The following PRPF39 variants were observed in gnomAD, a reference collection of about 807,000 sequenced individuals.
PRPF39 encodes pre-mRNA processing factor 39.
Under a neutral mutation model 82.1 loss-of-function variants are expected in PRPF39, and 27 were observed. The observed-to-expected ratio is 0.33, with a 90% CI of 0.24 to 0.45. The LOEUF is 0.45. Ranked by LOEUF, PRPF39 falls within the 20% of genes least tolerant of loss-of-function variation. The pLI, the probability that PRPF39 is intolerant of heterozygous loss-of-function variation, is 1.00. For missense variants in PRPF39, 581 were observed against 796.9 expected, an observed-to-expected ratio of 0.73 and a Z score of 3.26; for synonymous variants, 261 against 256.4, an observed-to-expected ratio of 1.02 and a Z score of -0.17.
At chr14:45,109,571 G>A in intron 7 of PRPF39, 45 bp from the exon 8 acceptor site, 1 of 1,514,392 alleles carries the variant, frequency 6.6e-7, no homozygotes, top group Non-Finnish European at 8.9e-7. Flanking sequence ...GCATATTTTG[G>A]TGATATTGGT....
rs779123762 is a variant in PRPF39 at position 45,114,234 on chromosome 14, T to C, written c.1809T>C (p.Ser603=). The C allele has an allele frequency of 6.2e-7, 1 of 1,603,088 alleles. No individual in the cohort carries two copies. Among genetic ancestry groups the C allele is most frequent in the Non-Finnish European group, 8.5e-7 (1 of 1,172,568 alleles). The change falls in exon 12 of 14, where the codon TCT becomes TCC. Residue 603 remains serine, a synonymous_variant. Coordinates refer to ENST00000355765, the MANE Select transcript of PRPF39 (RefSeq NM_017922.4). ...AAACACTCCTGAAAGAACAGGATTC[T>C]TTAAAAAGGAAAGCAGAAAATGGGT... is the stretch of plus-strand genomic sequence containing the variant. ...EHQTLLKEQD[S]LKRKAENGSE...
At chr14:45,099,008 T>A (rs1884288962) in intron 4 of PRPF39, among the ~76,000 whole-genome samples, 1 of 152,238 alleles carries the variant, frequency 6.6e-6, no homozygotes, top group Non-Finnish European at 1.5e-5. Flanking sequence ...TATTCCTTTA[T>A]AGCTTCTGCT....
At chr14:45,087,740 ATTTTTT>A (rs35926249) in intron 1 of PRPF39, among the ~76,000 whole-genome samples, 2 of 123,434 alleles carry the variant, frequency 1.6e-5, no homozygotes, top group Non-Finnish European at 1.7e-5. Context: ...TGCCCGGCTA[ATTTTTT>A]TTTTTTTTTT....
chr14:45,093,504 A>G (rs1379825234), intron 1 of PRPF39, among the ~76,000 whole-genome samples: 1 of 151,360 alleles, frequency 6.6e-6, no homozygotes, highest in African/African-American at 2.4e-5. Flanking sequence ...GATTACGGGC[A>G]TGAGCCACCG....
Position 45,116,068 on chromosome 14 carries a change from A to G in PRPF39, c.*1155A>G, listed in dbSNP as rs919007066. ...AGCTGGGACCAAGTAAACAAATTTTATTAACTCCTTGAATTTTCCAGTTGA... is the reference window on the plus strand; with the variant it reads ...AGCTGGGACCAAGTAAACAAATTTTGTTAACTCCTTGAATTTTCCAGTTGA... On this transcript the variant is annotated 3_prime_UTR_variant, in exon 14 of 14. Coordinates refer to ENST00000355765, the MANE Select transcript of PRPF39 (RefSeq NM_017922.4). 1 of 641,494 alleles carries G rather than the reference A, an allele frequency of 1.6e-6. No homozygotes were observed. The highest frequency in any genetic ancestry group is 2.8e-6 in the Non-Finnish European group (1 of 361,254). 39.7% of individuals were successfully genotyped at this position (641,494 alleles called of 1,614,324 possible).
At chr14:45,101,723 G>C (rs903587480) in intron 4 of PRPF39, among the ~76,000 whole-genome samples, 3 of 151,968 alleles carry the variant, frequency 2.0e-5, no homozygotes, top group African/African-American at 7.3e-5. Flanking sequence ...ACAGGTGTGA[G>C]CCATCGTGCC....
chr14:45,116,255 G>T lies in PRPF39; in HGVS notation c.*1342G>T, dbSNP rs765908799. The T allele has an allele frequency of 6.2e-7, 1 of 1,611,262 alleles. No homozygotes were observed. Among genetic ancestry groups the T allele is most frequent in the Non-Finnish European group, 8.5e-7 (1 of 1,177,696 alleles). On this transcript the variant is annotated 3_prime_UTR_variant, in exon 14 of 14. Coordinates refer to ENST00000355765, the MANE Select transcript of PRPF39 (RefSeq NM_017922.4). ...TGAGTTTTGCATTTGGTGGAATTCTGTTGAAGAAGTCAAGGTACATTTGAT... is the reference window on the plus strand; with the variant it reads ...TGAGTTTTGCATTTGGTGGAATTCTTTTGAAGAAGTCAAGGTACATTTGAT...
Position 45,112,446 on chromosome 14 carries a change from T to G in PRPF39, c.1701T>G (p.Ile567Met). The part of the protein sequence containing the change: ...VHGSLPIKMR[I>M]TFSQRKVEFL... The stretch of plus-strand genomic sequence containing the variant: ...GTTCATTACCTATTAAAATGAGAAT[T>G]ACATTTTCTCAGAGAAAAGTGGAAT... Residue 567 changes from isoleucine (I) to methionine (M), a missense_variant, in exon 11 of 14, where the codon ATT (isoleucine) becomes ATG (methionine). By Grantham distance (10) the Ile-to-Met change is conservative. Transcript: ENST00000355765. 6.5e-7 allele frequency: 1 copy of G among 1,545,518 alleles called. No homozygotes were observed. The highest frequency in any genetic ancestry group is 8.7e-7 in the Non-Finnish European group (1 of 1,154,748).
At position 45,102,758 on chromosome 14, in the gene PRPF39, G is replaced by C. The variant is rs553075860; in HGVS notation, c.737+62G>C. 1.0e-3 allele frequency: 1,383 copies of C among 1,383,322 alleles called. 3 individuals are homozygous for C. Among genetic ancestry groups the C allele is most frequent in the Admixed American group, 2.2e-3 (90 of 40,514 alleles). 85.7% of individuals were successfully genotyped at this position (1,383,322 alleles called of 1,614,324 possible). On this transcript the variant is annotated intron_variant, in intron 5 of 13. Transcript: ENST00000355765. ...TTACTCAGATAGTTGGTAATATTAA[G>C]TATTATAATTATCTTGGAATGTTAT... is the stretch of plus-strand genomic sequence containing the variant.
At chr14:45,093,223 A>G (rs1296316972) in intron 1 of PRPF39, among the ~76,000 whole-genome samples, 1 of 145,466 alleles carries the variant, frequency 6.9e-6, no homozygotes, top group Admixed American at 6.7e-5. Flanking sequence ...ATTATATATG[A>G]TTTATTTTTT....
At chr14:45,113,279 G>A (rs1316913984) in intron 11 of PRPF39, among the ~76,000 whole-genome samples, 1 of 152,212 alleles carries the variant, frequency 6.6e-6, no homozygotes, top group Non-Finnish European at 1.5e-5. Context: ...TTATATTAGT[G>A]TATTTTAATG....
At chr14:45,084,877 T>G (rs567856419) in intron 1 of PRPF39, among the ~76,000 whole-genome samples, 1 of 152,358 alleles carries the variant, frequency 6.6e-6, no homozygotes, top group South Asian at 2.1e-4. Context: ...AATCACATCT[T>G]TAAGTTAATT....
At chr14:45,093,070 GTATTT>G (rs1346239878) in intron 1 of PRPF39, among the ~76,000 whole-genome samples, 5 of 151,984 alleles carry the variant, frequency 3.3e-5, no homozygotes, top group East Asian at 1.9e-4. Flanking sequence ...TGCCAGTTTT[GTATTT>G]TATTTTATTT....
Position 45,112,387 on chromosome 14 carries a change from A to G in PRPF39, c.1642A>G (p.Asn548Asp). ...YSGDLKQNEE[N>D]ILNCFDKAVH... ...TGGTGACCTCAAACAAAATGAAGAA[A>G]ATATCCTAAATTGTTTTGACAAAGC... Residue 548 changes from asparagine to aspartate, a missense_variant, in exon 11 of 14, where the codon AAT becomes GAT. Asn to Asp is a conservative substitution (Grantham distance 23). Coordinates refer to ENST00000355765, the MANE Select transcript of PRPF39 (RefSeq NM_017922.4). 1 of 1,581,912 alleles carries G rather than the reference A, an allele frequency of 6.3e-7. No homozygotes were observed. Among genetic ancestry groups the G allele is most frequent in the African/African-American group, 1.4e-5 (1 of 72,940 alleles).
chr14:45,110,032 T>TCA lies in PRPF39; in HGVS notation c.1177-59_1177-58dup. 1 of 1,603,072 alleles carries TCA rather than the reference T, an allele frequency of 6.2e-7. No individual in the cohort carries two copies. Among genetic ancestry groups the TCA allele is most frequent in the South Asian group, 1.1e-5 (1 of 89,808 alleles). Reference sequence around the variant, plus strand: ...TTAAAAATAGAATTTTATCGTTCTGTCACAAATTTAATGGCTTGTTCAACT... The same window carrying TCA: ...TTAAAAATAGAATTTTATCGTTCTGTCACACAAATTTAATGGCTTGTTCAACT... On this transcript the variant is annotated intron_variant, in intron 8 of 13. Coordinates refer to ENST00000355765, the MANE Select transcript of PRPF39 (RefSeq NM_017922.4). The surrounding 1 kb of genome is among the most constrained non-coding windows in gnomAD (Gnocchi z 4.0).
At chr14:45,089,444 C>T (rs1434142497) in intron 1 of PRPF39, among the ~76,000 whole-genome samples, 1 of 152,120 alleles carries the variant, frequency 6.6e-6, no homozygotes, top group Non-Finnish European at 1.5e-5. Flanking sequence ...GCCTATTTGA[C>T]TGTTTTTATG....
intron 1 of PRPF39, among the ~76,000 whole-genome samples, chr14:45,094,328 C>A: frequency 6.6e-6 from 1 of 152,078 alleles, no homozygotes; most frequent in East Asian, 1.9e-4. Context: ...TTGCTTATTA[C>A]CTTATAGCCT....
intron 4 of PRPF39, 50 bp downstream of exon 4, chr14:45,097,055 T>C: frequency 6.8e-7 from 1 of 1,480,696 alleles, no homozygotes; most frequent in Non-Finnish European, 8.9e-7. Context: ...AAATAATTAT[T>C]CTGATGTTGA....
Position 45,095,255 on chromosome 14 carries a change from A to G in PRPF39, c.16A>G (p.Met6Val). Residue 6 changes from methionine (M) to valine (V), a missense_variant, in exon 2 of 14, where the codon ATG (methionine) becomes GTG (valine). Physicochemically the swap from Met to Val is conservative, Grantham distance 21 (BLOSUM62 1). Transcript: ENST00000355765. The part of the protein sequence containing the change: MQNSH[M>V]DEYRNSSNGS... ...TGAAGACAATATGCAAAATTCTCACATGGATGAATACAGAAATTCTAGTAA... is the reference window on the plus strand; with the variant it reads ...TGAAGACAATATGCAAAATTCTCACGTGGATGAATACAGAAATTCTAGTAA... 1 of 1,591,562 alleles carries G rather than the reference A, an allele frequency of 6.3e-7. No individual in the cohort carries two copies. Among genetic ancestry groups the G allele is most frequent in the Non-Finnish European group, 8.6e-7 (1 of 1,163,992 alleles).
Sources: gnomAD v4.1 joint callset for allele counts (sites outside exome capture counted in the v4.1 genomes callset) on GRCh38, gnomAD v4.1.1 for gene constraint, Gnocchi (gnomAD v3.1) non-coding constraint, MANE v1.5 for transcripts, NCBI Gene and HGNC (gene_info 2026-07-23, HGNC 2026-07-21) for gene names.